The following TCF7L1 variants were observed in gnomAD, a reference collection of about 807,000 sequenced individuals.
The protein encoded by TCF7L1 is transcription factor 7 like 1, also known as transcription factor 7-like 1.
TCF7L1 carries 18 observed loss-of-function variants against 63.7 expected under a neutral mutation model. The ratio of observed to expected loss-of-function variants is 0.28; its 90% CI spans 0.20 to 0.42. The LOEUF is 0.42. Ranked by LOEUF, TCF7L1 falls within the 10% of genes least tolerant of loss-of-function variation. The pLI is 1.00. For missense variants in TCF7L1, 654 were observed against 779.3 expected, an observed-to-expected ratio of 0.84 and a Z score of 1.91; for synonymous variants, 355 against 340.9, an observed-to-expected ratio of 1.04 and a Z score of -0.46.
At chr2:85,157,411 A>AAGT (rs1195146666) in intron 3 of TCF7L1, among the ~76,000 whole-genome samples, 4 of 152,230 alleles carry the variant, frequency 2.6e-5, no homozygotes, top group African/African-American at 9.6e-5. Flanking sequence ...GGAACTGGTT[A>AAGT]TTCATCCTTT....
chr2:85,213,070 G>A (rs1489474783), intron 3 of TCF7L1, among the ~76,000 whole-genome samples: 1 of 150,030 alleles, frequency 6.7e-6, no homozygotes, highest in Non-Finnish European at 1.5e-5. Flanking sequence ...CTGGACTGGT[G>A]ACCCAAGGGA....
Position 85,283,489 on chromosome 2 carries a change from G to A in TCF7L1, c.442-6G>A. 1 of 1,614,038 alleles carries A rather than the reference G, an allele frequency of 6.2e-7. No individual in the cohort carries two copies. The highest frequency in any genetic ancestry group is 8.5e-7 in the Non-Finnish European group (1 of 1,179,996). On this transcript the variant is annotated splice_region_variant and splice_polypyrimidine_tract_variant and intron_variant, in intron 3 of 11. Transcript: ENST00000282111. ...AACAGCTTTTTCTTTTCTGTTCCCT[G>A]TGCAGTACCTGCAGATGAAATGGCC... is the stretch of plus-strand genomic sequence containing the variant.
At chr2:85,138,930 C>T (rs1344543171) in intron 3 of TCF7L1, among the ~76,000 whole-genome samples, 3 of 152,078 alleles carry the variant, frequency 2.0e-5, no homozygotes, top group South Asian at 2.1e-4. Flanking sequence ...AATAGGAAGG[C>T]CCTACTTACA....
At chr2:85,189,287 G>A (rs1678996513) in intron 3 of TCF7L1, among the ~76,000 whole-genome samples, 1 of 151,950 alleles carries the variant, frequency 6.6e-6, no homozygotes, top group Non-Finnish European at 1.5e-5. Context: ...TATTGGCCGT[G>A]TCCTTTCGAG....
intron 3 of TCF7L1, among the ~76,000 whole-genome samples, chr2:85,215,336 C>T (rs1223288213): frequency 3.9e-5 from 6 of 152,216 alleles, no homozygotes; most frequent in South Asian, 4.1e-4. Flanking sequence ...ACCACTATCA[C>T]GAAATTGTGC....
Position 85,175,739 on chromosome 2 carries a change from G to A in TCF7L1, c.441+41289G>A, listed in dbSNP as rs533278679. On this transcript the variant is annotated intron_variant, in intron 3 of 11. Coordinates refer to ENST00000282111, the MANE Select transcript of TCF7L1 (RefSeq NM_031283.3). ...AACATTAAAATAGGAAGCTGGGAAT[G>A]ACAGGAAGAGGGACTGTAGGCCTGG... Among the ~76,000 whole-genome samples, 28 of 152,370 alleles carry A rather than the reference G, an allele frequency of 1.8e-4. 2 individuals carry two copies. In the South Asian group the frequency reaches 4.6e-3, roughly 25 times the overall value.
intron 4 of TCF7L1, among the ~76,000 whole-genome samples, chr2:85,293,049 C>A (rs1199985689): frequency 6.6e-6 from 1 of 152,214 alleles, no homozygotes; most frequent in African/African-American, 2.4e-5. Context: ...GGACCAGTGG[C>A]TATCCAGGTC....
rs78136044 is a variant in TCF7L1 at position 85,260,291 on chromosome 2, G to T, written c.442-23204G>T. 6.5e-3 allele frequency among the ~76,000 whole-genome samples: 988 copies of T among 152,250 alleles called. 14 individuals carry two copies. The highest frequency in any genetic ancestry group is 0.023 in the African/African-American group (951 of 41,528). On this transcript the variant is annotated intron_variant, in intron 3 of 11. Transcript: ENST00000282111. ...TGGCAGTGTACGTTGGCAGGGGACT[G>T]GAATTTAAGCAAAAGAAGAAATACT...
intron 4 of TCF7L1, among the ~76,000 whole-genome samples, chr2:85,289,681 G>A (rs1681643174): frequency 1.3e-5 from 2 of 152,130 alleles, no homozygotes; most frequent in African/African-American, 4.8e-5. Flanking sequence ...GTTTCCAGTT[G>A]TTTGTTTGTT....
intron 4 of TCF7L1, among the ~76,000 whole-genome samples, chr2:85,286,119 A>G (rs1438952187): frequency 6.8e-6 from 1 of 147,066 alleles, no homozygotes; most frequent in Non-Finnish European, 1.5e-5. Flanking sequence ...TGAACCCGGG[A>G]GGCAGAGGTT....
chr2:85,304,962 T>G (rs1682073301), intron 7 of TCF7L1, among the ~76,000 whole-genome samples: 1 of 152,140 alleles, frequency 6.6e-6, no homozygotes, highest in Non-Finnish European at 1.5e-5. Context: ...GCCCACAGCC[T>G]AAGCCCTTCT....
chr2:85,142,169 G>A (rs148692271), intron 3 of TCF7L1, among the ~76,000 whole-genome samples: 112 of 152,328 alleles, frequency 7.4e-4, no homozygotes, highest in African/African-American at 2.4e-3. Flanking sequence ...GCTCATGCCT[G>A]TAATCCCAAC....
intron 3 of TCF7L1, among the ~76,000 whole-genome samples, chr2:85,200,258 G>A (rs1008055432): frequency 5.3e-5 from 8 of 152,114 alleles, no homozygotes; most frequent in African/African-American, 1.9e-4. Context: ...GTTATATTGG[G>A]TATACAGTTG....
At chr2:85,215,767 T>TGGGGGGGGGGGGGG (rs1380022989) in intron 3 of TCF7L1, among the ~76,000 whole-genome samples, 2 of 15,288 alleles carry the variant, frequency 1.3e-4, no homozygotes, top group African/African-American at 2.1e-4. Flanking sequence ...GGGGTGGGGG[T>TGGGGGGGGGGGGGG]GGGGGGGGGT....
At chr2:85,240,384 G>A (rs921922262) in intron 3 of TCF7L1, among the ~76,000 whole-genome samples, 11 of 152,212 alleles carry the variant, frequency 7.2e-5, no homozygotes, top group African/African-American at 2.4e-4. Flanking sequence ...ATGGCAAACC[G>A]GAGAGGAGTC....
Position 85,200,058 on chromosome 2 carries a change from T to G in TCF7L1, c.441+65608T>G, listed in dbSNP as rs193051130. Among the ~76,000 whole-genome samples, 12 of 152,372 alleles carry G rather than the reference T, an allele frequency of 7.9e-5. No homozygotes were observed. The East Asian group carries it at 2.3e-3, about 29-fold the overall frequency. ...TAGTCTAATGCTTTCAGGGTTCACC[T>G]ATATTGTAGCGTGTATCTGTACTTC... On this transcript the variant is annotated intron_variant, in intron 3 of 11. Coordinates refer to ENST00000282111, the MANE Select transcript of TCF7L1 (RefSeq NM_031283.3).
At chr2:85,200,412 G>A (rs893417204) in intron 3 of TCF7L1, among the ~76,000 whole-genome samples, 1 of 152,078 alleles carries the variant, frequency 6.6e-6, no homozygotes, top group Admixed American at 6.5e-5. Context: ...ATTATATACT[G>A]TATTCTTACA....
chr2:85,271,004 C>G (rs1038506010), intron 3 of TCF7L1, among the ~76,000 whole-genome samples: 1 of 152,052 alleles, frequency 6.6e-6, no homozygotes. Flanking sequence ...CCACAAGTTT[C>G]TAGAAGGCAG....
At chr2:85,260,535 G>A (rs946746991) in intron 3 of TCF7L1, among the ~76,000 whole-genome samples, 1 of 151,866 alleles carries the variant, frequency 6.6e-6, no homozygotes, top group Non-Finnish European at 1.5e-5. Flanking sequence ...CAGCTACCCG[G>A]TGGGGACTGA....
Sources: gnomAD v4.1 joint callset for allele counts (sites outside exome capture counted in the v4.1 genomes callset) on GRCh38, gnomAD v4.1.1 for gene constraint, MANE v1.5 for transcripts, NCBI Gene and HGNC (gene_info 2026-07-23, HGNC 2026-07-21) for gene names.